Variants in LRBA observed in about 807,000 individuals in gnomAD.
LRBA encodes the protein lipopolysaccharide-responsive and beige-like anchor protein.
In LRBA, 176 loss-of-function variants were observed where a neutral mutation model predicts 330.0. The observed-to-expected ratio is 0.53, with a 90% confidence interval of 0.47 to 0.60. The LOEUF (loss-of-function observed/expected upper bound fraction) is 0.60, where lower values mean the gene tolerates loss of function less well. Among genes scored for constraint, LRBA ranks in the 20% least tolerant of loss-of-function variants. LRBA has a pLI of 0.00. For missense variants in LRBA, 3,259 were observed against 3,444.8 expected, an observed-to-expected ratio of 0.95 and a Z score of 1.35; for synonymous variants, 1,230 against 1,193.0, an observed-to-expected ratio of 1.03 and a Z score of -0.64.
chr4:150,351,915 A>G (rs1353231825), intron 47 of LRBA, among the ~76,000 whole-genome samples: 1 of 152,192 alleles, frequency 6.6e-6, no homozygotes, highest in East Asian at 1.9e-4. Flanking sequence ...ACAATGATAT[A>G]CTGTAAAGAA....
At position 150,838,689 on chromosome 4, in the gene LRBA, C is replaced by T. The variant is rs140428471; in HGVS notation, c.4569+5411G>A. Among the ~76,000 whole-genome samples the T allele has an allele frequency of 7.7e-3, 1,177 of 152,230 alleles. 12 individuals are homozygous for T. The highest frequency in any genetic ancestry group is 0.026 in the African/African-American group (1,081 of 41,554). On this transcript the variant is annotated intron_variant, in intron 28 of 56. Coordinates refer to ENST00000651943, the MANE Select transcript of LRBA (RefSeq NM_001364905.1). ...ACACTGGTTATTCTAGTTTGCCATT[C>T]GTCTAATCTTTTTTCAAGGTTTTCA...
At position 150,321,042 on chromosome 4, in the gene LRBA, CTTTT is replaced by C. The variant is rs1732438843; in HGVS notation, c.7630+145_7630+148del. Reference sequence around the variant, plus strand: ...TTTGTACTATATGCCTCACGTGGGCCTTTTTTAAGCCTTTCAAACTATTAAACAA... The same window carrying C: ...TTTGTACTATATGCCTCACGTGGGCCTTAAGCCTTTCAAACTATTAAACAA... On this transcript the variant is annotated intron_variant, in intron 50 of 56. Coordinates refer to ENST00000651943, the MANE Select transcript of LRBA (RefSeq NM_001364905.1). This position sits in a 1 kb window ranked among gnomAD's most constrained non-coding sequence, Gnocchi z 4.5. 4 of 706,816 alleles carry C rather than the reference CTTTT, an allele frequency of 5.7e-6. No homozygotes were observed. The South Asian group carries it at 9.1e-5, about 16-fold the overall frequency. The allele number at this position is 706,816 out of a possible 1,614,324, so 43.8% of individuals were successfully genotyped here. A position where few individuals can be genotyped will look rare whatever the true frequency, so the allele number is the denominator to read the frequency against.
At chr4:150,956,801 C>T (rs948492409) in intron 2 of LRBA, among the ~76,000 whole-genome samples, 1 of 148,998 alleles carries the variant, frequency 6.7e-6, no homozygotes, top group Non-Finnish European at 1.5e-5. Context: ...AAGCATCTGA[C>T]AAAATCTAAT....
intron 28 of LRBA, among the ~76,000 whole-genome samples, chr4:150,839,193 A>AT (rs1405560545): frequency 6.6e-6 from 1 of 152,188 alleles, no homozygotes; most frequent in Non-Finnish European, 1.5e-5. Context: ...ATGAGATACC[A>AT]TCTCACACCG....
intron 2 of LRBA, among the ~76,000 whole-genome samples, chr4:150,951,163 T>G (rs1283504367): frequency 6.6e-6 from 1 of 152,184 alleles, no homozygotes; most frequent in African/African-American, 2.4e-5. Context: ...CCTGGTCCTA[T>G]GAACCAATCA....
intron 15 of LRBA, among the ~76,000 whole-genome samples, chr4:150,896,883 T>C (rs2127117260): frequency 6.6e-6 from 1 of 151,748 alleles, no homozygotes; most frequent in South Asian, 2.1e-4. Context: ...AAAAATTAAA[T>C]AGTAATCTCA....
At chr4:150,538,923 C>A (rs1259982740) in intron 40 of LRBA, among the ~76,000 whole-genome samples, 1 of 151,746 alleles carries the variant, frequency 6.6e-6, no homozygotes, top group Non-Finnish European at 1.5e-5. Flanking sequence ...TCCCATGTAA[C>A]AAACCTGCAC....
intron 47 of LRBA, among the ~76,000 whole-genome samples, chr4:150,411,227 C>T (rs1265941001): frequency 6.6e-5 from 10 of 152,106 alleles, no homozygotes; most frequent in Admixed American, 5.9e-4. Flanking sequence ...TGTTCATAAG[C>T]CCATCCACTT....
At chr4:150,972,110 G>T (rs1181327407) in intron 2 of LRBA, among the ~76,000 whole-genome samples, 1 of 152,110 alleles carries the variant, frequency 6.6e-6, no homozygotes, top group Non-Finnish European at 1.5e-5. Context: ...ATGGGCATTT[G>T]AAGTAATATA....
intron 47 of LRBA, among the ~76,000 whole-genome samples, chr4:150,364,899 C>T (rs1581121503): frequency 2.0e-5 from 3 of 151,616 alleles, no homozygotes; most frequent in East Asian, 3.9e-4. Flanking sequence ...ATTAATGTAA[C>T]CATATATTCA....
At chr4:150,640,847 C>T (rs903152138) in intron 37 of LRBA, among the ~76,000 whole-genome samples, 2 of 152,144 alleles carry the variant, frequency 1.3e-5, no homozygotes, top group African/African-American at 4.8e-5. Flanking sequence ...TAAGTTCCTA[C>T]TATCCTACAG....
intron 36 of LRBA, among the ~76,000 whole-genome samples, chr4:150,724,735 A>C (rs183661829): frequency 4.6e-5 from 7 of 151,978 alleles, no homozygotes; most frequent in Admixed American, 4.6e-4. Flanking sequence ...AAAAGGATTA[A>C]ATTTTTTTTT....
chr4:150,326,424 A>C (rs1733274541), intron 48 of LRBA, among the ~76,000 whole-genome samples: 2 of 152,228 alleles, frequency 1.3e-5, no homozygotes, highest in South Asian at 4.1e-4. Flanking sequence ...ACAACTAAAT[A>C]ACAAAGTAAA....
intron 52 of LRBA, among the ~76,000 whole-genome samples, chr4:150,305,631 A>G (rs1477112103): frequency 6.6e-6 from 1 of 152,214 alleles, no homozygotes; most frequent in East Asian, 1.9e-4. Flanking sequence ...ATTAATGACA[A>G]TAACAAGATA....
chr4:150,548,949 T>A (rs1766213912), intron 40 of LRBA, among the ~76,000 whole-genome samples: 2 of 152,172 alleles, frequency 1.3e-5, no homozygotes, highest in South Asian at 4.1e-4. Flanking sequence ...ATATTATAAA[T>A]GTTTAGTATA....
intron 37 of LRBA, among the ~76,000 whole-genome samples, chr4:150,653,760 G>C (rs77822071): frequency 1.9e-3 from 296 of 152,182 alleles, no homozygotes; most frequent in African/African-American, 6.5e-3. Flanking sequence ...ATTTTCTCTT[G>C]CTCTGAAAAA....
intron 55 of LRBA, among the ~76,000 whole-genome samples, chr4:150,279,966 A>T (rs1315818102): frequency 1.3e-5 from 2 of 152,234 alleles, no homozygotes; most frequent in Non-Finnish European, 2.9e-5. Context: ...TAAGTGTTAT[A>T]CTAAAACAAA....
intron 2 of LRBA, among the ~76,000 whole-genome samples, chr4:150,933,404 T>C (rs1006857166): frequency 2.0e-5 from 3 of 149,960 alleles, no homozygotes; most frequent in African/African-American, 7.3e-5. Context: ...TGTATACAAC[T>C]ATACAATGAA....
chr4:150,683,615 G>C lies in LRBA; in HGVS notation c.5857C>G (p.Leu1953Val), dbSNP rs1385577128. 5 of 1,613,558 alleles carry C rather than the reference G, an allele frequency of 3.1e-6. No homozygotes were observed. The South Asian group carries it at 4.4e-5, about 14-fold the overall frequency. ...AGAATGTTGATAATTTTCTGGATTA[G>C]TTGAGTTGCTGTCACGTGGTCACGA... ...KYRDHVTATQ[L>V]IQKIINILTD... The change falls in exon 37 of 57, where the codon CTA (leucine) becomes GTA (valine). Residue 1953 changes from leucine (L) to valine (V), a missense_variant. Physicochemically the swap from Leu to Val is conservative, Grantham distance 32. Coordinates refer to ENST00000651943, the MANE Select transcript of LRBA (RefSeq NM_001364905.1).
Sources: allele counts gnomAD v4.1 joint callset (sites outside exome capture counted in the v4.1 genomes callset), GRCh38; gene constraint gnomAD v4.1.1; non-coding constraint Gnocchi (gnomAD v3.1); transcripts MANE v1.5; gene names NCBI Gene and HGNC (gene_info 2026-07-23, HGNC 2026-07-21).